The following MROH9 variants were observed in gnomAD, a reference collection of about 807,000 sequenced individuals.
MROH9 encodes the protein maestro heat-like repeat-containing protein family member 9.
MROH9 carries 92 observed loss-of-function variants against 98.2 expected under a neutral mutation model. The ratio of observed to expected loss-of-function variants is 0.94; its 90% CI spans 0.79 to 1.11. MROH9 has a LOEUF of 1.11. Among genes scored for constraint, MROH9 ranks in the 50% most tolerant of loss-of-function variants. The pLI, the probability that MROH9 is intolerant of heterozygous loss-of-function variation, is 0.00. For missense variants in MROH9, 1,057 were observed against 1,014.8 expected (o/e 1.04, Z -0.57); for synonymous variants, 397 against 368.9 (o/e 1.08, Z -0.87).
rs539421467 is a variant in MROH9, at chr1:171,006,953, G to GT, written c.1597-7161dup. Among the ~76,000 whole-genome samples the GT allele has an allele frequency of 7.2e-5, 11 of 152,134 alleles. No homozygotes were observed. The East Asian group carries it at 1.7e-3, about 24-fold the overall frequency. ...ATTATTTTGACCTCTTTGTCAGGCAGTTTGTAGATCTCCATTTTTTGTGGT... is the reference window on the plus strand; with the variant it reads ...ATTATTTTGACCTCTTTGTCAGGCAGTTTTGTAGATCTCCATTTTTTGTGGT... On this transcript the variant is annotated intron_variant, in intron 15 of 21. Transcript: ENST00000367759.
intron 1 of MROH9, among the ~76,000 whole-genome samples, chr1:170,941,700 C>T (rs1571432873): frequency 6.6e-6 from 1 of 152,188 alleles, no homozygotes; most frequent in Non-Finnish European, 1.5e-5. Flanking sequence ...GCTGCAGTTT[C>T]CACCATAGTA....
At chr1:170,991,476 T>C (rs984768247) in intron 11 of MROH9, among the ~76,000 whole-genome samples, 3 of 152,132 alleles carry the variant, frequency 2.0e-5, no homozygotes, top group African/African-American at 4.8e-5. Context: ...GAGCAATAAG[T>C]GTCAGAACCC....
At chr1:171,003,170 G>T (rs929183274) in intron 15 of MROH9, among the ~76,000 whole-genome samples, 12 of 151,810 alleles carry the variant, frequency 7.9e-5, no homozygotes, top group African/African-American at 2.9e-4. Context: ...GGATTTCCTT[G>T]CATTGGGCTT....
rs544126402 is a variant in MROH9 at position 171,050,963 on chromosome 1, AT to A, written c.2282-11161del. On this transcript the variant is annotated intron_variant, in intron 20 of 21. Coordinates refer to ENST00000367759, the MANE Select transcript of MROH9 (RefSeq NM_001163629.2). ...TTTATGTGGTGAATCACATTTATTG[AT>A]TTTTTTTATGTTGAATCATCCTACA... Among the ~76,000 whole-genome samples, 195 of 151,990 alleles carry A rather than the reference AT, an allele frequency of 1.3e-3. 1 individual carries two copies. Among genetic ancestry groups the A allele is most frequent in the African/African-American group, 4.5e-3 (188 of 41,444 alleles).
Position 170,958,576 on chromosome 1 carries a change from T to C in MROH9, c.152+36T>C, listed in dbSNP as rs374558444. ...CTATCATGCTCTTTTATTTCACTAATTGGATGCATTTAAAATGTTATATCT... is the reference window on the plus strand; with the variant it reads ...CTATCATGCTCTTTTATTTCACTAACTGGATGCATTTAAAATGTTATATCT... On this transcript the variant is annotated intron_variant, in intron 4 of 21. Coordinates refer to ENST00000367759, the MANE Select transcript of MROH9 (RefSeq NM_001163629.2). The C allele has an allele frequency of 1.7e-5, 23 of 1,321,932 alleles. No individual in the cohort carries two copies. The East Asian group carries it at 5.1e-4, about 29-fold the overall frequency. 81.9% of individuals were successfully genotyped at this position (1,321,932 alleles called of 1,614,324 possible).
At chr1:171,028,741 A>G (rs1652810402) in intron 20 of MROH9, among the ~76,000 whole-genome samples, 1 of 152,066 alleles carries the variant, frequency 6.6e-6, no homozygotes, top group Non-Finnish European at 1.5e-5. Context: ...GAGGTCCTTC[A>G]CATTTCTTGT....
chr1:170,974,083 G>C (rs1194791318), intron 8 of MROH9, among the ~76,000 whole-genome samples: 2 of 152,102 alleles, frequency 1.3e-5, no homozygotes, highest in African/African-American at 4.8e-5. Flanking sequence ...AGATTAATGA[G>C]CTTGCAGACA....
chr1:171,033,640 C>A (rs1165078520), intron 20 of MROH9, among the ~76,000 whole-genome samples: 8 of 152,162 alleles, frequency 5.3e-5, no homozygotes, highest in Non-Finnish European at 1.5e-5. Context: ...GAAGGATTCA[C>A]ATGCTTATTA....
intron 20 of MROH9, among the ~76,000 whole-genome samples, chr1:171,051,084 A>G (rs977412414): frequency 2.6e-5 from 4 of 152,052 alleles, no homozygotes; most frequent in African/African-American, 9.7e-5. Flanking sequence ...TGTTTTCTTC[A>G]ACAAAAGATG....
chr1:171,052,034 CTTTTT>C (rs56288448), intron 20 of MROH9, among the ~76,000 whole-genome samples: 1 of 146,368 alleles, frequency 6.8e-6, no homozygotes, highest in African/African-American at 2.5e-5. Flanking sequence ...GGTCTTGGAC[CTTTTT>C]TTTTTTATTA....
chr1:171,013,451 TA>T (rs1652226204), intron 15 of MROH9, among the ~76,000 whole-genome samples: 1 of 152,066 alleles, frequency 6.6e-6, no homozygotes, highest in Non-Finnish European at 1.5e-5. Context: ...TGATCTGAGG[TA>T]GAAGAGTTTT....
chr1:171,054,558 G>A (rs925741325), intron 20 of MROH9, among the ~76,000 whole-genome samples: 8 of 152,174 alleles, frequency 5.3e-5, no homozygotes, highest in South Asian at 2.1e-4. Context: ...CTTCTGCACA[G>A]CAAAAGAAAT....
chr1:170,965,806 G>A (rs2101897667), intron 7 of MROH9, among the ~76,000 whole-genome samples: 1 of 152,040 alleles, frequency 6.6e-6, no homozygotes, highest in African/African-American at 2.4e-5. Flanking sequence ...GAAATACATA[G>A]CTTTATTATT....
At chr1:171,030,819 G>A (rs550178513) in intron 20 of MROH9, among the ~76,000 whole-genome samples, 17 of 152,250 alleles carry the variant, frequency 1.1e-4, no homozygotes, top group Admixed American at 7.2e-4. Context: ...ATCCAGAGCC[G>A]AGTTCAAGTC....
At chr1:170,986,820 T>C (rs1651156168) in intron 10 of MROH9, 110 bp downstream of exon 10, 1 of 1,204,990 alleles carries the variant, frequency 8.3e-7, no homozygotes, top group East Asian at 2.4e-5. Context: ...TCATTGTTCA[T>C]TATATGACTT....
chr1:170,956,319 G>A (rs972564836), intron 3 of MROH9, among the ~76,000 whole-genome samples: 26 of 151,972 alleles, frequency 1.7e-4, no homozygotes, highest in African/African-American at 5.8e-4. Flanking sequence ...GGTTCCATAT[G>A]AATTTTAGAA....
At chr1:170,977,924 C>T (rs139763789) in intron 8 of MROH9, among the ~76,000 whole-genome samples, 279 of 152,240 alleles carry the variant, frequency 1.8e-3, no homozygotes, top group African/African-American at 6.4e-3. Context: ...TGGTGATGAG[C>T]AGGGAACATG....
At chr1:170,948,585 T>C (rs1649425300) in intron 3 of MROH9, among the ~76,000 whole-genome samples, 1 of 152,124 alleles carries the variant, frequency 6.6e-6, no homozygotes, top group Non-Finnish European at 1.5e-5. Flanking sequence ...TATTATGCTA[T>C]CTTTTTGAGA....
intron 16 of MROH9, chr1:171,015,054 C>G (rs1557899008): frequency 2.1e-6 from 1 of 471,794 alleles, no homozygotes; most frequent in Non-Finnish European, 4.4e-6. Context: ...ATTCTACACT[C>G]CAAAGTATCT....
Sources: gnomAD v4.1 joint callset for allele counts (sites outside exome capture counted in the v4.1 genomes callset) on GRCh38, gnomAD v4.1.1 for gene constraint, MANE v1.5 for transcripts, NCBI Gene and HGNC (gene_info 2026-07-23, HGNC 2026-07-21) for gene names.